SLIT1: variants seen among roughly 807,000 people sequenced by gnomAD.
SLIT1 encodes the protein slit homolog 1 protein.
SLIT1 carries 66 observed loss-of-function variants against 186.1 expected under a neutral mutation model. The ratio of observed to expected loss-of-function variants is 0.35; its 90% CI spans 0.29 to 0.44. SLIT1 has a LOEUF of 0.44. Ranked by LOEUF, SLIT1 falls within the 20% of genes least tolerant of loss-of-function variation. The probability of loss-of-function intolerance (pLI) is 1.00; values close to 1 mark genes in which losing one functional copy is unlikely to be tolerated. For synonymous variants in SLIT1, 761 were observed against 833.8 expected (o/e 0.91, Z 1.50); for missense variants, 1,638 against 2,037.4 (o/e 0.80, Z 3.77).
intron 25 of SLIT1, among the ~76,000 whole-genome samples, chr10:97,028,651 G>C (rs909475645): frequency 1.3e-5 from 2 of 152,142 alleles, no homozygotes; most frequent in Non-Finnish European, 2.9e-5. Context: ...AAGCCCCTTG[G>C]ACTTGCCCAG....
chr10:97,063,442 G>A lies in SLIT1; in HGVS notation c.793+13C>T. The A allele has an allele frequency of 6.2e-7, 1 of 1,612,058 alleles. No individual in the cohort carries two copies. On this transcript the variant is annotated intron_variant, in intron 8 of 36. Transcript: ENST00000266058. ...GCCGGACAGTTGAGAGCCCGGCAGG[G>A]GTCTGCACCCACCTGAGCAGCTGAA...
intron 1 of SLIT1, among the ~76,000 whole-genome samples, chr10:97,175,775 T>C (rs1290725846): frequency 6.6e-6 from 1 of 151,556 alleles, no homozygotes; most frequent in East Asian, 1.9e-4. Flanking sequence ...ATGCTCTCTA[T>C]CCATGCAGGC....
Position 97,014,403 on chromosome 10 carries a change from G to A in SLIT1, c.2970-245C>T, listed in dbSNP as rs1564653720. Reference sequence around the variant, plus strand: ...GGGAGAGGTAGTGAGGACCAGGATGGTGTAAGCACTGAAGCCAGGGAGCGG... The same window carrying A: ...GGGAGAGGTAGTGAGGACCAGGATGATGTAAGCACTGAAGCCAGGGAGCGG... On this transcript the variant is annotated intron_variant, in intron 28 of 36. Transcript: ENST00000266058. Among the ~76,000 whole-genome samples the A allele has an allele frequency of 2.0e-5, 3 of 152,178 alleles. No homozygotes were observed. In the South Asian group the frequency reaches 6.2e-4, roughly 32 times the overall value.
intron 28 of SLIT1, among the ~76,000 whole-genome samples, chr10:97,014,993 G>A (rs933586029): frequency 3.9e-5 from 6 of 152,176 alleles, no homozygotes; most frequent in African/African-American, 1.4e-4. Flanking sequence ...GCAGGAGCCT[G>A]GTCATGAGGG....
chr10:97,030,671 T>C lies in SLIT1; in HGVS notation c.2582+86A>G. 4 of 1,124,944 alleles carry C rather than the reference T, an allele frequency of 3.6e-6. No homozygotes were observed. The South Asian group carries it at 3.9e-5, about 11-fold the overall frequency. 69.7% of individuals were successfully genotyped at this position (1,124,944 alleles called of 1,614,324 possible). ...ATTTCAGAGTAAAAGCAACAAACTC[T>C]GACAATCTCAGGAGGTGGGATCTTC... On this transcript the variant is annotated intron_variant, in intron 25 of 36. Coordinates refer to ENST00000266058, the MANE Select transcript of SLIT1 (RefSeq NM_003061.3).
At chr10:97,150,504 G>A (rs1849865361) in intron 4 of SLIT1, among the ~76,000 whole-genome samples, 1 of 152,052 alleles carries the variant, frequency 6.6e-6, no homozygotes, top group Non-Finnish European at 1.5e-5. Flanking sequence ...AACCACCAGG[G>A]CCCTGTTAAT....
intron 4 of SLIT1, among the ~76,000 whole-genome samples, chr10:97,067,723 T>C (rs1848961593): frequency 6.6e-6 from 1 of 152,114 alleles, no homozygotes; most frequent in African/African-American, 2.4e-5. Flanking sequence ...CCCAGAGCCT[T>C]GCCCCAGACA....
chr10:97,137,968 G>A (rs1234430047), intron 4 of SLIT1, among the ~76,000 whole-genome samples: 1 of 152,210 alleles, frequency 6.6e-6, no homozygotes, highest in Non-Finnish European at 1.5e-5. Context: ...CCGAGCCGGT[G>A]AGTAGCAGAG....
chr10:97,035,907 T>C (rs571580803), intron 22 of SLIT1, among the ~76,000 whole-genome samples: 2 of 152,304 alleles, frequency 1.3e-5, no homozygotes, highest in East Asian at 3.9e-4. Flanking sequence ...TGTTCCAAGA[T>C]GCCCTCCCCG....
intron 4 of SLIT1, among the ~76,000 whole-genome samples, chr10:97,084,364 G>C (rs1010779060): frequency 6.6e-6 from 1 of 152,180 alleles, no homozygotes; most frequent in Non-Finnish European, 1.5e-5. Flanking sequence ...CTGGGCTGCA[G>C]AGCCACAAAG....
At chr10:97,132,688 C>T (rs1368203702) in intron 4 of SLIT1, among the ~76,000 whole-genome samples, 4 of 152,056 alleles carry the variant, frequency 2.6e-5, no homozygotes, top group Non-Finnish European at 5.9e-5. Context: ...TATTCCCCCA[C>T]CTTTGGAGGG....
At chr10:97,026,751 G>T (rs1454237476) in intron 25 of SLIT1, among the ~76,000 whole-genome samples, 1 of 152,188 alleles carries the variant, frequency 6.6e-6, no homozygotes, top group Non-Finnish European at 1.5e-5. Flanking sequence ...CTGAATGGAA[G>T]ATGAGTTAAC....
chr10:97,014,661 G>T (rs1236220923), intron 28 of SLIT1, among the ~76,000 whole-genome samples: 1 of 152,222 alleles, frequency 6.6e-6, no homozygotes, highest in Non-Finnish European at 1.5e-5. Flanking sequence ...GAGGTCAGGA[G>T]TTGGAGACCA....
At position 97,114,147 on chromosome 10, in the gene SLIT1, A is replaced by C. The variant is rs113956093; in HGVS notation, c.413+43671T>G. ...TGACCACGTCACAGTGTAACTGTCT[A>C]TGGTGGTAATGTTACAAGCCAGGGG... On this transcript the variant is annotated intron_variant, in intron 4 of 36. Transcript: ENST00000266058. Among the ~76,000 whole-genome samples the C allele has an allele frequency of 4.0e-3, 615 of 152,256 alleles. 5 individuals carry two copies. The highest frequency in any genetic ancestry group is 0.014 in the African/African-American group (592 of 41,540).
chr10:97,102,964 A>G (rs947682920), intron 4 of SLIT1: 1 of 152,184 alleles, frequency 6.6e-6, no homozygotes, highest in African/African-American at 2.4e-5. Flanking sequence ...GCTACCATCA[A>G]AATCAAGGGC....
intron 4 of SLIT1, among the ~76,000 whole-genome samples, chr10:97,105,862 A>G (rs919479283): frequency 6.6e-5 from 10 of 152,202 alleles, no homozygotes; most frequent in East Asian, 1.9e-4. Context: ...CAGAAAGACA[A>G]CCATACCCGG....
chr10:97,048,420 A>G (rs1487653099), intron 14 of SLIT1, among the ~76,000 whole-genome samples: 2 of 152,170 alleles, frequency 1.3e-5, no homozygotes, highest in East Asian at 1.9e-4. Flanking sequence ...GGAGGCTCCT[A>G]TCTCACTAAG....
At chr10:97,124,460 TG>T (rs977643212) in intron 4 of SLIT1, among the ~76,000 whole-genome samples, 1 of 152,242 alleles carries the variant, frequency 6.6e-6, no homozygotes, top group African/African-American at 2.4e-5. Context: ...CAATAATTCA[TG>T]GGTACAAACA....
chr10:97,093,264 G>A (rs1830356810), intron 4 of SLIT1, among the ~76,000 whole-genome samples: 1 of 152,226 alleles, frequency 6.6e-6, no homozygotes, highest in South Asian at 2.1e-4. Context: ...TGTGGCAGAG[G>A]TTGCCAGGTG....
Sources: gnomAD v4.1 joint callset for allele counts (sites outside exome capture counted in the v4.1 genomes callset) on GRCh38, gnomAD v4.1.1 for gene constraint, MANE v1.5 for transcripts, NCBI Gene and HGNC (gene_info 2026-07-23, HGNC 2026-07-21) for gene names.